AKAP9: variants seen among roughly 807,000 people sequenced by gnomAD.
The protein encoded by AKAP9 is A-kinase anchor protein 9.
Under a neutral mutation model 488.5 loss-of-function variants are expected in AKAP9, and 311 were observed. That is an observed-to-expected ratio of 0.64 (90% CI 0.58 to 0.70). The LOEUF is 0.70. AKAP9 is among the 30% of genes least tolerant of loss of function. The pLI, the probability that AKAP9 is intolerant of heterozygous loss-of-function variation, is 0.00. For missense variants in AKAP9, 4,215 were observed against 4,374.5 expected (o/e 0.96, Z 1.03); for synonymous variants, 1,462 against 1,483.5 (o/e 0.99, Z 0.33).
chr7:91,941,940 A>G (rs1790817268), intron 1 of AKAP9, among the ~76,000 whole-genome samples: 1 of 151,558 alleles, frequency 6.6e-6, no homozygotes, highest in Non-Finnish European at 1.5e-5. Context: ...CTGTAAAGCA[A>G]ACAATACAAT....
At chr7:91,980,876 T>A (rs1796330861) in intron 3 of AKAP9, among the ~76,000 whole-genome samples, 1 of 152,170 alleles carries the variant, frequency 6.6e-6, no homozygotes, top group African/African-American at 2.4e-5. Flanking sequence ...CTTTTAGATG[T>A]GATTGTCATT....
intron 2 of AKAP9, among the ~76,000 whole-genome samples, chr7:91,978,624 CTTT>C (rs1010752014): frequency 6.6e-6 from 1 of 152,136 alleles, no homozygotes; most frequent in Middle Eastern, 3.4e-3. Context: ...TTTAAAAGTG[CTTT>C]TGTAAACTGT....
intron 3 of AKAP9, among the ~76,000 whole-genome samples, chr7:91,989,749 A>T (rs1417138341): frequency 6.6e-6 from 1 of 152,030 alleles, no homozygotes; most frequent in East Asian, 1.9e-4. Flanking sequence ...ATGAACTTTT[A>T]TGAGCCATCA....
intron 44 of AKAP9, 43 bp from the exon 45 acceptor site, chr7:92,100,813 C>T: frequency 6.2e-7 from 1 of 1,608,740 alleles, no homozygotes. Flanking sequence ...TTAGCTCAGA[C>T]TTTTCTTCAG....
In AKAP9 at chr7:92,019,335, T is replaced by A. The variant is rs146052349; in HGVS notation, c.3837+2233T>A. On this transcript the variant is annotated intron_variant, in intron 12 of 49. Coordinates refer to ENST00000356239, the MANE Select transcript of AKAP9 (RefSeq NM_005751.5). The stretch of plus-strand genomic sequence containing the variant: ...TTTTGTATTCTTAATAGAGAAGGGC[T>A]TTCACCATGTTGACCAGGCTGGTCT... 2.1e-3 allele frequency among the ~76,000 whole-genome samples: 323 copies of A among 151,998 alleles called. 4 individuals carry two copies. The highest frequency in any genetic ancestry group is 7.3e-3 in the African/African-American group (301 of 41,498).
At chr7:92,010,987 C>T (rs1481504326) in intron 8 of AKAP9, among the ~76,000 whole-genome samples, 3 of 152,026 alleles carry the variant, frequency 2.0e-5, no homozygotes, top group Non-Finnish European at 1.5e-5. Context: ...GGAAAAGAAT[C>T]CATAAAAAAC....
rs1389889591 is a variant in AKAP9 at position 92,003,003 on chromosome 7, G to C, written c.3086G>C (p.Arg1029Thr). ...GATGGAGTTGTGACCATGACAAGCAGGGGTGCTGAAGGATCAGTTTCTAAA... is the reference window on the plus strand; with the variant it reads ...GATGGAGTTGTGACCATGACAAGCACGGGTGCTGAAGGATCAGTTTCTAAA... ...LLDGVVTMTS[R>T]GAEGSVSKVN... Residue 1029 changes from arginine (R) to threonine (T), a missense_variant, in exon 8 of 50, where the codon AGG becomes ACG. By Grantham distance (71) the Arg-to-Thr change is moderately conservative. Around this residue, in one of 5 missense-constraint regions of AKAP9, gnomAD observed 2,361 missense variants for 2,430.0 expected, o/e 0.97. Coordinates refer to ENST00000356239, the MANE Select transcript of AKAP9 (RefSeq NM_005751.5). 5.0e-6 allele frequency: 8 copies of C among 1,613,504 alleles called. No individual in the cohort carries two copies. The highest frequency in any genetic ancestry group is 6.8e-6 in the Non-Finnish European group (8 of 1,179,612).
intron 37 of AKAP9, among the ~76,000 whole-genome samples, chr7:92,087,248 C>T (rs756382865): frequency 3.3e-5 from 5 of 152,040 alleles, no homozygotes; most frequent in East Asian, 3.9e-4. Context: ...TTCCCTTTAA[C>T]GAAGAAGACG....
At position 92,102,837 on chromosome 7, in the gene AKAP9, G is replaced by C; in HGVS notation, c.11330+11G>C. On this transcript the variant is annotated intron_variant, in intron 46 of 49. Transcript: ENST00000356239. ...CATTGCAATTTCCAGGTAAAGACTT[G>C]AAGGAAAATGCATTTTACTAGTAGA... The C allele has an allele frequency of 6.2e-7, 1 of 1,606,146 alleles. No homozygotes were observed. Among genetic ancestry groups the C allele is most frequent in the Non-Finnish European group, 8.5e-7 (1 of 1,173,190 alleles).
chr7:92,052,739 C>T lies in AKAP9; in HGVS notation c.5382C>T (p.Ser1794=). 1 of 1,609,754 alleles carries T rather than the reference C, an allele frequency of 6.2e-7. No individual in the cohort carries two copies. The highest frequency in any genetic ancestry group is 1.7e-5 in the Admixed American group (1 of 59,958). The change falls in exon 22 of 50, where the codon TCC becomes TCT. Residue 1794 remains serine (S), a synonymous_variant. Transcript: ENST00000356239. The part of the protein sequence containing the change: ...HEEHTRVTDE[S]IPSYSGSDMP... ...CTGTTATTCTAGTTACAGATGAATC[C>T]ATTCCCTCTTATTCTGGAAGTGATA...
chr7:92,012,293 G>C lies in AKAP9; in HGVS notation c.3319-136G>C, dbSNP rs921251472. ...GAAAGGTAGATCAATGCAACAGCAC[G>C]AAGATAGAAAAAAAATTAGACTTCA... On this transcript the variant is annotated intron_variant, in intron 8 of 49. Coordinates refer to ENST00000356239, the MANE Select transcript of AKAP9 (RefSeq NM_005751.5). The C allele has an allele frequency of 9.4e-6, 7 of 746,310 alleles. No homozygotes were observed. The East Asian group carries it at 1.4e-4, about 15-fold the overall frequency. 46.2% of individuals were successfully genotyped at this position (746,310 alleles called of 1,614,324 possible).
rs1331973603 is a variant in AKAP9 at position 91,941,000 on chromosome 7, C to G, written c.-100C>G. 3 of 1,247,076 alleles carry G rather than the reference C, an allele frequency of 2.4e-6. No individual in the cohort carries two copies. The Admixed American group carries it at 5.0e-5, about 21-fold the overall frequency. 77.3% of individuals were successfully genotyped at this position (1,247,076 alleles called of 1,614,324 possible). A position where few individuals can be genotyped will look rare whatever the true frequency, so the allele number is the denominator to read the frequency against. On this transcript the variant is annotated 5_prime_UTR_variant, in exon 1 of 50. Coordinates refer to ENST00000356239, the MANE Select transcript of AKAP9 (RefSeq NM_005751.5). ...CGCCGGACCGAATCGGCTCTCTAGGCCGTGGAGCTTGCCGTCCCACCTCCG... is the reference window on the plus strand; with the variant it reads ...CGCCGGACCGAATCGGCTCTCTAGGGCGTGGAGCTTGCCGTCCCACCTCCG...
In AKAP9 at chr7:92,042,058, G is replaced by A; in HGVS notation, c.4930G>A (p.Asp1644Asn). Residue 1644 changes from aspartate to asparagine, a missense_variant, in exon 19 of 50, where the codon GAT becomes AAT. Transcript: ENST00000356239. ...TTTTCTTATTTAGAGATCCTCCATAGATAATGAAAACCTGGTTTCAGAGAG... is the reference window on the plus strand; with the variant it reads ...TTTTCTTATTTAGAGATCCTCCATAAATAATGAAAACCTGGTTTCAGAGAG... ...NRQLAQRSSI[D>N]NENLVSERER... 6.2e-7 allele frequency: 1 copy of A among 1,613,688 alleles called. No homozygotes were observed.
At chr7:92,059,193 G>T (rs955986214) in intron 22 of AKAP9, among the ~76,000 whole-genome samples, 1 of 151,828 alleles carries the variant, frequency 6.6e-6, no homozygotes, top group Admixed American at 6.6e-5. Flanking sequence ...TACTTTACAT[G>T]TACTTTTAAT....
chr7:92,108,505 C>T lies in AKAP9; in HGVS notation c.11558C>T (p.Thr3853Ile), dbSNP rs755032030. The T allele has an allele frequency of 5.0e-6, 8 of 1,614,042 alleles. No individual in the cohort carries two copies. The highest frequency in any genetic ancestry group is 6.8e-6 in the Non-Finnish European group (8 of 1,180,040). Residue 3853 changes from threonine to isoleucine, a missense_variant, in exon 49 of 50, where the codon ACT (threonine) becomes ATT (isoleucine). Thr to Ile is a moderately conservative substitution (Grantham distance 89, BLOSUM62 -1). Around this residue, in one of 5 missense-constraint regions of AKAP9, gnomAD observed 253 missense variants for 266.8 expected, o/e 0.95. Coordinates refer to ENST00000356239, the MANE Select transcript of AKAP9 (RefSeq NM_005751.5). Reference protein sequence around the residue: ...PLPFQNRYPGTPADFNPGSLA... With the variant: ...PLPFQNRYPGIPADFNPGSLA... The stretch of plus-strand genomic sequence containing the variant: ...TTTTAATCCTTTAGGTACCCAGGCA[C>T]TCCAGCTGATTTCAATCCTGGTTCT...
At chr7:92,081,683 A>C (rs1248678671) in intron 31 of AKAP9, among the ~76,000 whole-genome samples, 1 of 151,796 alleles carries the variant, frequency 6.6e-6, no homozygotes, top group African/African-American at 2.4e-5. Context: ...TTAAGTAAAA[A>C]TGCGTAGTTG....
In AKAP9 at chr7:92,042,709, T is replaced by C. The variant is rs1474872784; in HGVS notation, c.5100T>C (p.Phe1700=). 1.9e-6 allele frequency: 3 copies of C among 1,611,940 alleles called. No homozygotes were observed. Among genetic ancestry groups the C allele is most frequent in the Admixed American group, 3.3e-5 (2 of 59,956 alleles). The change falls in exon 20 of 50, where the codon TTT becomes TTC. Residue 1700 remains phenylalanine, a synonymous_variant. Transcript: ENST00000356239. ...AAGGAGAAGTTGAAGAACAAACATT[T>C]AAAGAAAAGGAATTAGACAGAAAAC... The part of the protein sequence containing the change: ...ENQGEVEEQT[F]KEKELDRKPE...
chr7:92,008,377 A>G (rs999525214), intron 8 of AKAP9, among the ~76,000 whole-genome samples: 1 of 148,948 alleles, frequency 6.7e-6, no homozygotes. Context: ...AGAAAACACT[A>G]AAAGTATTAG....
At chr7:92,006,552 C>G (rs913786027) in intron 8 of AKAP9, among the ~76,000 whole-genome samples, 1 of 152,176 alleles carries the variant, frequency 6.6e-6, no homozygotes, top group East Asian at 1.9e-4. Flanking sequence ...AGCCTGTAAA[C>G]TTCCTGCCCG....
Sources: allele counts gnomAD v4.1 joint callset (sites outside exome capture counted in the v4.1 genomes callset), GRCh38; gene constraint gnomAD v4.1.1; regional missense constraint gnomAD v4.1.1; transcripts MANE v1.5; gene names NCBI Gene and HGNC (gene_info 2026-07-23, HGNC 2026-07-21).